The following ANKS1B variants were observed in gnomAD, a reference collection of about 807,000 sequenced individuals.
The protein encoded by ANKS1B is ankyrin repeat and sterile alpha motif domain-containing protein 1B.
Under a neutral mutation model 148.3 loss-of-function variants are expected in ANKS1B, and 36 were observed. The observed-to-expected ratio is 0.24, with a 90% CI of 0.19 to 0.32. The LOEUF (loss-of-function observed/expected upper bound fraction) is 0.32, where lower values mean the gene tolerates loss of function less well. Among genes scored for constraint, ANKS1B ranks in the 10% least tolerant of loss-of-function variants. ANKS1B has a pLI of 1.00. For synonymous variants in ANKS1B, 542 were observed against 560.8 expected, an observed-to-expected ratio of 0.97 and a Z score of 0.47; for missense variants, 1,157 against 1,542.6, an observed-to-expected ratio of 0.75 and a Z score of 4.19.
intron 9 of ANKS1B, among the ~76,000 whole-genome samples, chr12:99,564,984 T>C (rs1254531994): frequency 1.3e-5 from 2 of 152,160 alleles, no homozygotes; most frequent in African/African-American, 4.8e-5. Context: ...GGAAGAGTTG[T>C]TCATTCTGGA....
chr12:99,643,090 C>T lies in ANKS1B; in HGVS notation c.1272+11977G>A, dbSNP rs146766981. ...GTAACATATTCATAGGCTCTACATA[C>T]TAGAATTTAGACATTTGGGGAGGAG... On this transcript the variant is annotated intron_variant, in intron 9 of 26. Coordinates refer to ENST00000683438, the MANE Select transcript of ANKS1B (RefSeq NM_001352186.2). Among the ~76,000 whole-genome samples, 194 of 152,294 alleles carry T rather than the reference C, an allele frequency of 1.3e-3. 1 individual carries two copies. Among genetic ancestry groups the T allele is most frequent in the African/African-American group, 4.0e-3 (168 of 41,554 alleles).
At chr12:99,046,935 G>A (rs2099962850) in intron 17 of ANKS1B, among the ~76,000 whole-genome samples, 1 of 151,826 alleles carries the variant, frequency 6.6e-6, no homozygotes, top group African/African-American at 2.4e-5. Context: ...AAGAAGAAAA[G>A]ATGAGTGAAC....
chr12:99,356,753 T>C (rs2092022309), intron 12 of ANKS1B, among the ~76,000 whole-genome samples: 1 of 152,184 alleles, frequency 6.6e-6, no homozygotes, highest in African/African-American at 2.4e-5. Flanking sequence ...CTATTAATAT[T>C]TAAACATGAG....
chr12:99,126,832 C>T (rs926856992), intron 15 of ANKS1B, among the ~76,000 whole-genome samples: 3 of 152,060 alleles, frequency 2.0e-5, no homozygotes, highest in Non-Finnish European at 4.4e-5. Context: ...CCCTTCTTAT[C>T]GATTAAGAGT....
In ANKS1B at chr12:99,565,454, G is replaced by A. The variant is rs551426572; in HGVS notation, c.1273-60813C>T. ...CAGCTATAGACATCACAGTTCTAAT[G>A]GGGGAAAATGAAAAGTAAAAAGGAG... is the stretch of plus-strand genomic sequence containing the variant. On this transcript the variant is annotated intron_variant, in intron 9 of 26. Transcript: ENST00000683438. Among the ~76,000 whole-genome samples the A allele has an allele frequency of 2.6e-5, 4 of 152,216 alleles. No individual in the cohort carries two copies. In the East Asian group the frequency reaches 7.7e-4, roughly 29 times the overall value.
intron 12 of ANKS1B, among the ~76,000 whole-genome samples, chr12:99,259,504 T>C (rs1315394988): frequency 6.6e-6 from 1 of 152,224 alleles, no homozygotes; most frequent in Non-Finnish European, 1.5e-5. Flanking sequence ...CAGCAGACCA[T>C]GCTGTTTGAC....
Position 99,377,557 on chromosome 12 carries a change from C to T in ANKS1B, c.1756+22074G>A, listed in dbSNP as rs528991886. On this transcript the variant is annotated intron_variant, in intron 12 of 26. Coordinates refer to ENST00000683438, the MANE Select transcript of ANKS1B (RefSeq NM_001352186.2). The stretch of plus-strand genomic sequence containing the variant: ...CTTTGCCAACGAATTGTGACTAGTA[C>T]AAAGCATTCAGTCATAATAAATCTT... 1.2e-4 allele frequency among the ~76,000 whole-genome samples: 19 copies of T among 152,170 alleles called. No individual in the cohort carries two copies. In the South Asian group the frequency reaches 3.5e-3, roughly 28 times the overall value.
chr12:99,384,404 A>G (rs1377990145), intron 12 of ANKS1B, among the ~76,000 whole-genome samples: 1 of 152,174 alleles, frequency 6.6e-6, no homozygotes, highest in Admixed American at 6.5e-5. Context: ...GCTGAGGACA[A>G]CTAATGTGTA....
At chr12:99,182,807 G>A (rs148329803) in intron 14 of ANKS1B, among the ~76,000 whole-genome samples, 135 of 151,978 alleles carry the variant, frequency 8.9e-4, no homozygotes, top group African/African-American at 2.9e-3. Context: ...TTTTCTCCAC[G>A]TCTTCACCAG....
chr12:99,024,758 G>A (rs570659589), intron 17 of ANKS1B, among the ~76,000 whole-genome samples: 9 of 152,250 alleles, frequency 5.9e-5, no homozygotes, highest in South Asian at 4.1e-4. Flanking sequence ...AGTTAGGAGC[G>A]TACTTTAGAT....
chr12:99,032,505 C>G (rs2099952857), intron 17 of ANKS1B, among the ~76,000 whole-genome samples: 1 of 152,162 alleles, frequency 6.6e-6, no homozygotes, highest in Non-Finnish European at 1.5e-5. Context: ...TCTCTGCTTC[C>G]TCTTCTCTTT....
intron 12 of ANKS1B, among the ~76,000 whole-genome samples, chr12:99,308,745 G>C (rs980616572): frequency 6.6e-6 from 1 of 151,758 alleles, no homozygotes; most frequent in Non-Finnish European, 1.5e-5. Flanking sequence ...TTTGGATATG[G>C]TCTATGGTAT....
At chr12:99,095,549 T>C (rs1234187156) in intron 15 of ANKS1B, among the ~76,000 whole-genome samples, 3 of 152,146 alleles carry the variant, frequency 2.0e-5, no homozygotes, top group Non-Finnish European at 4.4e-5. Context: ...GGATAGGCCA[T>C]GGAAGGGTTA....
intron 8 of ANKS1B, among the ~76,000 whole-genome samples, chr12:99,681,123 C>G (rs1446039131): frequency 1.3e-5 from 2 of 152,116 alleles, no homozygotes; most frequent in East Asian, 3.9e-4. Flanking sequence ...CACTCATCAC[C>G]TGAGAATCCT....
intron 9 of ANKS1B, among the ~76,000 whole-genome samples, chr12:99,598,912 A>G (rs2097778514): frequency 6.6e-6 from 1 of 152,080 alleles, no homozygotes; most frequent in Admixed American, 6.6e-5. Flanking sequence ...CTGGGCCAAA[A>G]TCAAGGTGTT....
intron 17 of ANKS1B, among the ~76,000 whole-genome samples, chr12:98,924,578 T>C (rs1451257744): frequency 6.6e-6 from 1 of 152,184 alleles, no homozygotes; most frequent in Non-Finnish European, 1.5e-5. Context: ...ACCTTCTTTT[T>C]GTATACCATC....
At chr12:99,608,287 A>G (rs533978440) in intron 9 of ANKS1B, among the ~76,000 whole-genome samples, 2 of 152,186 alleles carry the variant, frequency 1.3e-5, no homozygotes, top group African/African-American at 4.8e-5. Context: ...CAAACCATGC[A>G]CACCATCAAA....
At chr12:99,046,579 C>T (rs1011878550) in intron 17 of ANKS1B, among the ~76,000 whole-genome samples, 1 of 152,058 alleles carries the variant, frequency 6.6e-6, no homozygotes, top group African/African-American at 2.4e-5. Context: ...GCAGGCGGAT[C>T]ACAAGGTCAG....
intron 1 of ANKS1B, among the ~76,000 whole-genome samples, chr12:99,872,377 T>C (rs2091620950): frequency 6.6e-6 from 1 of 152,072 alleles, no homozygotes; most frequent in African/African-American, 2.4e-5. Flanking sequence ...TAAAGCTGTA[T>C]ACTTACAGTC....
Sources: gnomAD v4.1 joint callset for allele counts (sites outside exome capture counted in the v4.1 genomes callset) on GRCh38, gnomAD v4.1.1 for gene constraint, MANE v1.5 for transcripts, NCBI Gene and HGNC (gene_info 2026-07-23, HGNC 2026-07-21) for gene names.